The following CPEB3 variants were observed in gnomAD, a reference collection of about 807,000 sequenced individuals.
The protein encoded by CPEB3 is cytoplasmic polyadenylation element-binding protein 3.
A neutral mutation model predicts 67.2 loss-of-function variants in CPEB3; 20 were observed. The ratio of observed to expected loss-of-function variants is 0.30; its 90% CI spans 0.21 to 0.43. The LOEUF (loss-of-function observed/expected upper bound fraction) is 0.43. Among genes scored for constraint, CPEB3 ranks in the 20% least tolerant of loss-of-function variants. The pLI, the probability that CPEB3 is intolerant of heterozygous loss-of-function variation, is 1.00. For synonymous variants in CPEB3, 376 were observed against 393.1 expected, an observed-to-expected ratio of 0.96 and a Z score of 0.51; for missense variants, 746 against 968.6, an observed-to-expected ratio of 0.77 and a Z score of 3.05.
At chr10:92,214,935 C>T (rs1332014963) in intron 2 of CPEB3, among the ~76,000 whole-genome samples, 3 of 152,036 alleles carry the variant, frequency 2.0e-5, no homozygotes, top group Non-Finnish European at 4.4e-5. Flanking sequence ...GCAGCCTCTG[C>T]TTCCTGGGTT....
intron 2 of CPEB3, among the ~76,000 whole-genome samples, chr10:92,204,824 C>T (rs1025241987): frequency 6.7e-6 from 1 of 148,584 alleles, no homozygotes; most frequent in African/African-American, 2.5e-5. Flanking sequence ...AAAGCCAAAA[C>T]TATCTTAACC....
chr10:92,117,388 G>A (rs1042098482), intron 6 of CPEB3, among the ~76,000 whole-genome samples: 3 of 138,516 alleles, frequency 2.2e-5, no homozygotes, highest in African/African-American at 8.3e-5. Flanking sequence ...GGAGTGCAGT[G>A]GTGTGATCTT....
In CPEB3 at chr10:92,115,874, A is replaced by G. The variant is rs567888718; in HGVS notation, c.1454-4680T>C. Among the ~76,000 whole-genome samples the G allele has an allele frequency of 1.6e-4, 24 of 152,358 alleles. No homozygotes were observed. The South Asian group carries it at 5.0e-3, about 32-fold the overall frequency. ...CGATCATCATTTAGTAGAATCACTC[A>G]GTGATTTGGATTTGGTCCAAATATA... On this transcript the variant is annotated intron_variant, in intron 6 of 9. Transcript: ENST00000265997.
intron 4 of CPEB3, among the ~76,000 whole-genome samples, chr10:92,166,120 T>C (rs1564831559): frequency 6.6e-6 from 1 of 151,928 alleles, no homozygotes; most frequent in Non-Finnish European, 1.5e-5. Flanking sequence ...TTCTTTTTTT[T>C]TTTTTTGAGA....
At chr10:92,216,822 C>A in intron 2 of CPEB3, 1 of 1,604,920 alleles carries the variant, frequency 6.2e-7, no homozygotes, top group Non-Finnish European at 8.5e-7. Context: ...GGGCACCTGC[C>A]GCTGGAAGCT....
At chr10:92,273,772 T>G (rs1841851760) in intron 1 of CPEB3, among the ~76,000 whole-genome samples, 1 of 152,200 alleles carries the variant, frequency 6.6e-6, no homozygotes, top group Admixed American at 6.5e-5. Context: ...ATCTCTTAAA[T>G]GGAGCTATCA....
intron 8 of CPEB3, among the ~76,000 whole-genome samples, chr10:92,088,346 C>A (rs1843465043): frequency 2.0e-5 from 3 of 151,516 alleles, no homozygotes; most frequent in African/African-American, 7.3e-5. Context: ...CCTGCCTCAG[C>A]CCCCCAAGTA....
chr10:92,265,842 C>A (rs1445011188), intron 1 of CPEB3, among the ~76,000 whole-genome samples: 4 of 147,296 alleles, frequency 2.7e-5, no homozygotes, highest in Admixed American at 6.8e-5. Flanking sequence ...ATGTTTGTGT[C>A]CTCCAAAAGT....
intron 9 of CPEB3, among the ~76,000 whole-genome samples, chr10:92,060,676 C>A (rs1842308370): frequency 6.6e-6 from 1 of 152,118 alleles, no homozygotes; most frequent in African/African-American, 2.4e-5. Context: ...GGAAAAAAAT[C>A]TAATAAACCA....
intron 3 of CPEB3, among the ~76,000 whole-genome samples, chr10:92,182,677 T>C (rs910936767): frequency 2.0e-5 from 3 of 151,908 alleles, no homozygotes; most frequent in Non-Finnish European, 4.4e-5. Context: ...AATACAAAAA[T>C]TAGCTGGGTG....
intron 2 of CPEB3, among the ~76,000 whole-genome samples, chr10:92,232,985 A>G (rs953126752): frequency 6.6e-6 from 1 of 152,156 alleles, no homozygotes; most frequent in Non-Finnish European, 1.5e-5. Context: ...AAAACCTAAT[A>G]TTTCCTAACC....
intron 1 of CPEB3, among the ~76,000 whole-genome samples, chr10:92,269,856 C>A (rs1267902685): frequency 1.3e-5 from 2 of 152,152 alleles, no homozygotes; most frequent in Non-Finnish European, 2.9e-5. Context: ...CCACACACAG[C>A]CAAACCTGAG....
intron 6 of CPEB3, chr10:92,137,304 TC>T: frequency 1.5e-6 from 1 of 684,250 alleles, no homozygotes. Context: ...AGATGGAAGT[TC>T]CCCATATCAT....
intron 6 of CPEB3, among the ~76,000 whole-genome samples, chr10:92,129,719 C>T (rs1335362790): frequency 6.6e-6 from 1 of 152,004 alleles, no homozygotes; most frequent in East Asian, 1.9e-4. Flanking sequence ...AAAAAAAATC[C>T]TTCAAGGCTC....
chr10:92,055,461 A>G (rs1413034681), intron 9 of CPEB3, among the ~76,000 whole-genome samples: 1 of 152,122 alleles, frequency 6.6e-6, no homozygotes, highest in East Asian at 1.9e-4. Flanking sequence ...TTTTTGATGA[A>G]AATCTTGCTA....
intron 2 of CPEB3, among the ~76,000 whole-genome samples, chr10:92,218,524 C>T (rs892510223): frequency 3.4e-4 from 51 of 152,220 alleles, no homozygotes; most frequent in African/African-American, 1.1e-3. Flanking sequence ...CCTACTCAAT[C>T]TTACAGGATG....
At chr10:92,065,991 G>C (rs1842533298) in intron 9 of CPEB3, among the ~76,000 whole-genome samples, 1 of 152,004 alleles carries the variant, frequency 6.6e-6, no homozygotes, top group Non-Finnish European at 1.5e-5. Context: ...CAGCTACTCG[G>C]GAGGCTGAGG....
chr10:92,216,655 C>T (rs1178372889), intron 2 of CPEB3: 18 of 1,606,776 alleles, frequency 1.1e-5, no homozygotes, highest in Non-Finnish European at 1.5e-5. Flanking sequence ...ATGTCTATAT[C>T]CCCTCTAAGA....
chr10:92,260,341 A>G (rs1336213467), intron 1 of CPEB3, among the ~76,000 whole-genome samples: 2 of 152,072 alleles, frequency 1.3e-5, no homozygotes, highest in African/African-American at 4.8e-5. Context: ...ACCTGAGGTC[A>G]GGAGCTTGAG....
Sources: gnomAD v4.1 joint callset for allele counts (sites outside exome capture counted in the v4.1 genomes callset) on GRCh38, gnomAD v4.1.1 for gene constraint, MANE v1.5 for transcripts, NCBI Gene and HGNC (gene_info 2026-07-23, HGNC 2026-07-21) for gene names.